The following SNX29 variants were observed in gnomAD, a reference collection of about 807,000 sequenced individuals.
The protein encoded by SNX29 is sorting nexin 29, also known as sorting nexin-29.
In SNX29, 78 loss-of-function variants were observed where a neutral mutation model predicts 102.1. The ratio of observed to expected loss-of-function variants is 0.76; its 90% CI spans 0.64 to 0.92. The LOEUF (loss-of-function observed/expected upper bound fraction) is 0.92, where lower values mean the gene tolerates loss of function less well. SNX29 is among the 40% of genes least tolerant of loss of function. The pLI is 0.00. For synonymous variants in SNX29, 580 were observed against 414.5 expected (o/e 1.40, Z -4.85); for missense variants, 1,280 against 1,061.7 (o/e 1.21, Z -2.86).
intron 20 of SNX29, among the ~76,000 whole-genome samples, chr16:12,535,514 G>A (rs1021494643): frequency 1.3e-5 from 2 of 152,172 alleles, no homozygotes; most frequent in Non-Finnish European, 2.9e-5. Flanking sequence ...GAGTCTCACA[G>A]AGTGAAGTGG....
At chr16:12,259,751 G>A (rs376853914) in intron 14 of SNX29, among the ~76,000 whole-genome samples, 21 of 152,196 alleles carry the variant, frequency 1.4e-4, no homozygotes, top group East Asian at 7.7e-4. Context: ...CACGGAATTC[G>A]TTTCTGGGAA....
rs554314524 is a variant in SNX29 at position 12,431,651 on chromosome 16, A to G, written c.2037+28122A>G. 7.2e-5 allele frequency among the ~76,000 whole-genome samples: 11 copies of G among 152,160 alleles called. No individual in the cohort carries two copies. In the South Asian group the frequency reaches 2.1e-3, roughly 29 times the overall value. On this transcript the variant is annotated intron_variant, in intron 18 of 20. Coordinates refer to ENST00000566228, the MANE Select transcript of SNX29 (RefSeq NM_032167.5). ...GTCCATCTGTGTTACGTAAAGTGTG[A>G]GTTTTCTCTCTGAGTTGAATGAAGT...
In SNX29 at chr16:12,398,509, C is replaced by G. The variant is rs1413092395; in HGVS notation, c.1955+8C>G. On this transcript the variant is annotated splice_region_variant and intron_variant, in intron 17 of 20. Transcript: ENST00000566228. ...TTTGTCGGATTTTGAAATGTAAGTC[C>G]ACAGCCTGTGCTCACAAGGGGTCCT... 1.9e-6 allele frequency: 3 copies of G among 1,613,906 alleles called. No homozygotes were observed. In the Admixed American group the frequency reaches 5.0e-5, roughly 27 times the overall value.
chr16:12,209,144 A>C (rs2077119418), intron 14 of SNX29, among the ~76,000 whole-genome samples: 1 of 152,204 alleles, frequency 6.6e-6, no homozygotes, highest in South Asian at 2.1e-4. Context: ...CAAATGGGGC[A>C]AGCAGGTATT....
intron 15 of SNX29, among the ~76,000 whole-genome samples, chr16:12,289,508 G>A (rs138961203): frequency 1.3e-5 from 2 of 152,234 alleles, no homozygotes; most frequent in East Asian, 1.9e-4. Flanking sequence ...CACCCTCTCC[G>A]GTGGTGGCGC....
intron 18 of SNX29, among the ~76,000 whole-genome samples, chr16:12,405,593 G>A (rs559994295): frequency 2.0e-5 from 3 of 152,284 alleles, no homozygotes; most frequent in South Asian, 4.1e-4. Context: ...CTTCTGATTG[G>A]TGCCTGCAGA....
chr16:12,164,216 T>C (rs1021407043), intron 13 of SNX29, among the ~76,000 whole-genome samples: 1 of 151,962 alleles, frequency 6.6e-6, no homozygotes, highest in African/African-American at 2.4e-5. Flanking sequence ...GTGTGGGGTA[T>C]GGAAGAAATG....
At chr16:12,549,162 G>A (rs935821293) in intron 20 of SNX29, among the ~76,000 whole-genome samples, 1 of 152,168 alleles carries the variant, frequency 6.6e-6, no homozygotes, top group African/African-American at 2.4e-5. Context: ...TATCACATTT[G>A]CTGTTCATGG....
chr16:12,241,440 G>A (rs1370499113), intron 14 of SNX29, among the ~76,000 whole-genome samples: 1 of 151,962 alleles, frequency 6.6e-6, no homozygotes, highest in East Asian at 1.9e-4. Context: ...GTGTTGGTCT[G>A]TCTGTATTTC....
chr16:12,526,832 A>G (rs762362722), intron 20 of SNX29: 2 of 402,964 alleles, frequency 5.0e-6, no homozygotes, highest in South Asian at 2.4e-5. Flanking sequence ...TGTTTCCCAA[A>G]CATTCGCGTG....
intron 6 of SNX29, among the ~76,000 whole-genome samples, chr16:12,047,339 G>A (rs1446863524): frequency 6.6e-6 from 1 of 152,142 alleles, no homozygotes; most frequent in Non-Finnish European, 1.5e-5. Flanking sequence ...CAAGTTTTTT[G>A]TTGCCTCCTT....
intron 20 of SNX29, among the ~76,000 whole-genome samples, chr16:12,541,973 T>G (rs1001918927): frequency 1.3e-5 from 2 of 152,204 alleles, no homozygotes; most frequent in African/African-American, 4.8e-5. Flanking sequence ...CTTCAGAGAC[T>G]TGGCTTGTCT....
At chr16:12,238,195 TA>T (rs1305856947) in intron 14 of SNX29, among the ~76,000 whole-genome samples, 1 of 151,770 alleles carries the variant, frequency 6.6e-6, no homozygotes, top group African/African-American at 2.4e-5. Flanking sequence ...TTTATAACTG[TA>T]ACAGTTGTAA....
chr16:12,547,114 G>A (rs956857499), intron 20 of SNX29, among the ~76,000 whole-genome samples: 6 of 152,178 alleles, frequency 3.9e-5, no homozygotes, highest in African/African-American at 1.4e-4. Flanking sequence ...GAAAAGACAG[G>A]AAATGACATC....
rs7620 is a variant in SNX29, at chr16:12,574,088, C to T, written c.*5459C>T. On this transcript the variant is annotated 3_prime_UTR_variant, in exon 21 of 21. Transcript: ENST00000566228. The stretch of plus-strand genomic sequence containing the variant: ...GAAGTCTGTGGAAACGCCCTGAAAC[C>T]TGTAGTATTATCTTAACTACCCTCT... The T allele has an allele frequency of 0.22, 41,479 of 189,194 alleles. 4,955 individuals carry two copies. The highest frequency in any genetic ancestry group is 0.43 in the East Asian group (5,085 of 11,754). The allele number at this position is 189,194 out of a possible 1,614,324, so 11.7% of individuals were successfully genotyped here. A position where few individuals can be genotyped will look rare whatever the true frequency, so the allele number is the denominator to read the frequency against.
intron 13 of SNX29, among the ~76,000 whole-genome samples, chr16:12,144,901 T>G (rs1309518494): frequency 5.3e-5 from 8 of 152,194 alleles, no homozygotes; most frequent in African/African-American, 1.9e-4. Flanking sequence ...TTTTGTATTT[T>G]TAGTAGAGAC....
intron 19 of SNX29, among the ~76,000 whole-genome samples, chr16:12,499,671 A>G (rs563821331): frequency 6.6e-6 from 1 of 152,098 alleles, no homozygotes; most frequent in Non-Finnish European, 1.5e-5. Context: ...ATCTGCATTC[A>G]TTTACTTCTT....
chr16:12,250,342 CAA>C (rs533074555), intron 14 of SNX29, among the ~76,000 whole-genome samples: 9 of 152,130 alleles, frequency 5.9e-5, no homozygotes, highest in Non-Finnish European at 8.8e-5. Flanking sequence ...GAGTGTCAGG[CAA>C]AGAGATACAA....
At chr16:12,360,004 A>G (rs1216724926) in intron 16 of SNX29, among the ~76,000 whole-genome samples, 2 of 152,116 alleles carry the variant, frequency 1.3e-5, no homozygotes, top group East Asian at 3.9e-4. Context: ...TTGTATTTTT[A>G]GTAGAGACGG....
Sources: gnomAD v4.1 joint callset for allele counts (sites outside exome capture counted in the v4.1 genomes callset) on GRCh38, gnomAD v4.1.1 for gene constraint, MANE v1.5 for transcripts, NCBI Gene and HGNC (gene_info 2026-07-23, HGNC 2026-07-21) for gene names.